DPYD: variants seen among roughly 807,000 people sequenced by gnomAD.
The protein encoded by DPYD is dihydropyrimidine dehydrogenase, also known as dihydropyrimidine dehydrogenase [NADP(+)].
In DPYD, 109 loss-of-function variants were observed where a neutral mutation model predicts 116.2. The observed-to-expected ratio is 0.94, with a 90% confidence interval of 0.80 to 1.10. The LOEUF is 1.10. DPYD is among the 50% of genes least tolerant of loss of function. DPYD has a pLI of 0.00. For synonymous variants in DPYD, 440 were observed against 432.0 expected, an observed-to-expected ratio of 1.02 and a Z score of -0.23; for missense variants, 1,302 against 1,254.5, an observed-to-expected ratio of 1.04 and a Z score of -0.57.
chr1:97,475,606 GCAAATACTTA>G lies in DPYD; in HGVS notation c.1741-25393_1741-25384del, dbSNP rs142322029. Among the ~76,000 whole-genome samples, 364 of 152,262 alleles carry G rather than the reference GCAAATACTTA, an allele frequency of 2.4e-3. 6 individuals are homozygous for G. Among genetic ancestry groups the G allele is most frequent in the African/African-American group, 8.2e-3 (341 of 41,550 alleles). ...AATTTTATTTGTAAAGAGCCATTTA[GCAAATACTTA>G]CTCTTTGTGGATCTGTCTGTCACAT... On this transcript the variant is annotated intron_variant, in intron 13 of 22. Transcript: ENST00000370192.
intron 8 of DPYD, among the ~76,000 whole-genome samples, chr1:97,650,780 G>A (rs1227275546): frequency 1.3e-5 from 2 of 151,726 alleles, no homozygotes; most frequent in African/African-American, 4.8e-5. Context: ...AATATTATCA[G>A]TTTACTTGTT....
chr1:97,092,598 G>A (rs1400943323), intron 21 of DPYD, among the ~76,000 whole-genome samples: 2 of 152,036 alleles, frequency 1.3e-5, no homozygotes, highest in Non-Finnish European at 2.9e-5. Context: ...GAAAATACAT[G>A]TGCAGCTTCT....
intron 3 of DPYD, among the ~76,000 whole-genome samples, chr1:97,767,902 T>C (rs1665951665): frequency 6.6e-6 from 1 of 151,968 alleles, no homozygotes; most frequent in Non-Finnish European, 1.5e-5. Context: ...AACTAGATAA[T>C]CATTTTAGGT....
chr1:97,656,242 T>G (rs1275927691), intron 8 of DPYD, among the ~76,000 whole-genome samples: 1 of 152,196 alleles, frequency 6.6e-6, no homozygotes, highest in East Asian at 1.9e-4. Context: ...ACTTGTAGCA[T>G]GCAGAAATTC....
At chr1:97,306,420 T>A (rs1162327079) in intron 16 of DPYD, 123 bp from the exon 17 acceptor site, 1 of 1,309,828 alleles carries the variant, frequency 7.6e-7, no homozygotes, top group Non-Finnish European at 1.1e-6. Flanking sequence ...AGCTACATGA[T>A]ATATTTCTCA....
intron 10 of DPYD, among the ~76,000 whole-genome samples, chr1:97,578,272 T>G (rs1260503516): frequency 6.6e-6 from 1 of 152,194 alleles, no homozygotes; most frequent in Non-Finnish European, 1.5e-5. Flanking sequence ...TATAATGCTT[T>G]ACCTGTAACT....
rs368970772 is a variant in DPYD, at chr1:97,699,542, G to T, written c.489C>A (p.Phe163Leu). ...GGLQQFATEV[F>L]KAMSIPQIRN... ...TGATCTGTGGGATACTCATTGCTTT[G>T]AATACCTACGGGGAAATCAATTGTC... Residue 163 changes from phenylalanine to leucine, a missense_variant, in exon 6 of 23, where the codon TTC (phenylalanine) becomes TTA (leucine). Physicochemically the swap from Phe to Leu is conservative, Grantham distance 22. Coordinates refer to ENST00000370192, the MANE Select transcript of DPYD (RefSeq NM_000110.4). 74 of 1,613,238 alleles carry T rather than the reference G, an allele frequency of 4.6e-5. No homozygotes were observed. The highest frequency in any genetic ancestry group is 6.2e-5 in the Non-Finnish European group (73 of 1,179,454).
At chr1:97,884,380 C>A (rs1234600081) in intron 1 of DPYD, among the ~76,000 whole-genome samples, 1 of 151,984 alleles carries the variant, frequency 6.6e-6, no homozygotes, top group African/African-American at 2.4e-5. Flanking sequence ...AAGTTAGATG[C>A]AACAGCTGAA....
At chr1:97,492,749 G>A (rs1679040975) in intron 13 of DPYD, among the ~76,000 whole-genome samples, 1 of 151,982 alleles carries the variant, frequency 6.6e-6, no homozygotes, top group African/African-American at 2.4e-5. Flanking sequence ...ATCATCCAGA[G>A]TCTAAAGAAA....
intron 4 of DPYD, among the ~76,000 whole-genome samples, chr1:97,724,953 A>AAG (rs71590231): frequency 0.057 from 6,795 of 118,674 alleles, 246 homozygotes; most frequent in Middle Eastern, 0.092. Flanking sequence ...GAGGGAAGGA[A>AAG]AGAGAGAGAG....
intron 18 of DPYD, among the ~76,000 whole-genome samples, chr1:97,251,323 C>T (rs934676659): frequency 2.2e-5 from 3 of 133,990 alleles, no homozygotes; most frequent in Admixed American, 8.7e-5. Flanking sequence ...ATCTGGGAGG[C>T]GGAGGTTGCA....
chr1:97,517,516 TAAAC>T (rs1648319523), intron 12 of DPYD, among the ~76,000 whole-genome samples: 1 of 152,210 alleles, frequency 6.6e-6, no homozygotes, highest in East Asian at 1.9e-4. Flanking sequence ...ATCAATTAAA[TAAAC>T]AAACAAACAA....
At chr1:97,406,836 T>A (rs1053487577) in intron 14 of DPYD, among the ~76,000 whole-genome samples, 1 of 152,154 alleles carries the variant, frequency 6.6e-6, no homozygotes. Context: ...TGAGCTCTCA[T>A]TGAGGCTGTA....
intron 18 of DPYD, among the ~76,000 whole-genome samples, chr1:97,235,429 C>A (rs1015418439): frequency 2.0e-5 from 3 of 152,048 alleles, no homozygotes; most frequent in African/African-American, 7.2e-5. Flanking sequence ...ACTAGCCTGG[C>A]CAACATGGTG....
chr1:97,889,920 T>C (rs2101657530), intron 1 of DPYD, among the ~76,000 whole-genome samples: 1 of 151,702 alleles, frequency 6.6e-6, no homozygotes, highest in East Asian at 1.9e-4. Context: ...TTCAATGGAA[T>C]AGAATTAGAT....
chr1:97,258,356 C>T (rs1032325770), intron 18 of DPYD, among the ~76,000 whole-genome samples: 1 of 152,166 alleles, frequency 6.6e-6, no homozygotes, highest in Admixed American at 6.5e-5. Flanking sequence ...GCTTCCAAGC[C>T]ACAAAAGTAC....
chr1:97,824,423 A>T (rs1436616352), intron 3 of DPYD, among the ~76,000 whole-genome samples: 1 of 152,204 alleles, frequency 6.6e-6, no homozygotes, highest in Non-Finnish European at 1.5e-5. Flanking sequence ...CCTTTAGGGC[A>T]GCACAGAACA....
chr1:97,739,825 A>AT (rs980742444), intron 4 of DPYD, among the ~76,000 whole-genome samples: 36 of 152,004 alleles, frequency 2.4e-4, no homozygotes, highest in Non-Finnish European at 4.3e-4. Context: ...ACTTACATTG[A>AT]TTTTTAAAAA....
chr1:97,918,828 C>T (rs1328220757), intron 1 of DPYD, among the ~76,000 whole-genome samples: 1 of 152,156 alleles, frequency 6.6e-6, no homozygotes, highest in African/African-American at 2.4e-5. Context: ...CATTCATTAA[C>T]TGCTTCATAC....
Sources: gnomAD v4.1 joint callset for allele counts (sites outside exome capture counted in the v4.1 genomes callset) on GRCh38, gnomAD v4.1.1 for gene constraint, MANE v1.5 for transcripts, NCBI Gene and HGNC (gene_info 2026-07-23, HGNC 2026-07-21) for gene names.